Variants in HABP2 observed in about 807,000 individuals in gnomAD.
The protein encoded by HABP2 is hyaluronan binding protein 2, also known as factor VII-activating protease.
In HABP2, 65 loss-of-function variants were observed where a neutral mutation model predicts 66.5. The ratio of observed to expected loss-of-function variants is 0.98; its 90% CI spans 0.80 to 1.20. The LOEUF is 1.20. HABP2 is among the 50% of genes most tolerant of loss of function. The pLI is 0.00. For missense variants in HABP2, 786 were observed against 691.0 expected (o/e 1.14, Z -1.54); for synonymous variants, 263 against 253.9 (o/e 1.04, Z -0.34).
Position 113,575,889 on chromosome 10 carries a change from T to A in HABP2, c.224-8T>A. The A allele has an allele frequency of 2.0e-6, 3 of 1,536,480 alleles. No homozygotes were observed. ...TTACCAACATTGCCTTCTTCCTGTG[T>A]GTCTTAGATCCATGCCAGCCCAACC... On this transcript the variant is annotated splice_region_variant and splice_polypyrimidine_tract_variant and intron_variant, in intron 3 of 12. Transcript: ENST00000351270.
At chr10:113,572,838 T>G in intron 2 of HABP2, 1 of 255,268 alleles carries the variant, frequency 3.9e-6, no homozygotes. Context: ...GAGGTGAAAC[T>G]TTGGCAAGAA....
At chr10:113,558,450 T>C (rs1845040689) in intron 1 of HABP2, among the ~76,000 whole-genome samples, 1 of 152,226 alleles carries the variant, frequency 6.6e-6, no homozygotes, top group African/African-American at 2.4e-5. Flanking sequence ...GAAGCGGCTT[T>C]ATCCTCCTTA....
In HABP2 at chr10:113,576,795, G is replaced by A. The variant is rs568208102; in HGVS notation, c.332-355G>A. Among the ~76,000 whole-genome samples, 4 of 152,168 alleles carry A rather than the reference G, an allele frequency of 2.6e-5. No individual in the cohort carries two copies. In the South Asian group the frequency reaches 8.3e-4, roughly 32 times the overall value. ...ATATCGAGTATAAACACAGTGTCTG[G>A]GCTCACTCCTCAACTTCTCAGAAAA... On this transcript the variant is annotated intron_variant, in intron 4 of 12. Coordinates refer to ENST00000351270, the MANE Select transcript of HABP2 (RefSeq NM_004132.5).
chr10:113,582,652 T>C (rs1845562384), intron 9 of HABP2, among the ~76,000 whole-genome samples: 1 of 152,240 alleles, frequency 6.6e-6, no homozygotes, highest in South Asian at 2.1e-4. Flanking sequence ...TGCTCCTTTG[T>C]CTGATACCAT....
Position 113,582,016 on chromosome 10 carries a change from T to C in HABP2, c.979T>C (p.Trp327Arg), listed in dbSNP as rs780729386. 69 of 1,614,074 alleles carry C rather than the reference T, an allele frequency of 4.3e-5. No individual in the cohort carries two copies. The highest frequency in any genetic ancestry group is 5.6e-5 in the Non-Finnish European group (66 of 1,180,026). Residue 327 changes from tryptophan to arginine, a missense_variant, in exon 9 of 13, where the codon TGG becomes CGG. By Grantham distance (101) the Trp-to-Arg change is moderately radical. Transcript: ENST00000351270. ...GFKSTAGKHPWQASLQSSLPL... is the reference protein window; with the variant it reads ...GFKSTAGKHPRQASLQSSLPL... ...TAAGAGCACGGCGGGCAAGCACCCA[T>C]GGCAGGCGTCCCTCCAGTCCTCGCT...
chr10:113,560,919 G>A (rs776540931), intron 1 of HABP2, among the ~76,000 whole-genome samples: 5 of 152,190 alleles, frequency 3.3e-5, no homozygotes, highest in African/African-American at 7.2e-5. Flanking sequence ...TGGGGATGAC[G>A]AAAAAGTTTG....
Position 113,588,545 on chromosome 10 carries a change from A to G in HABP2, c.*176A>G, listed in dbSNP as rs1845718073. The G allele has an allele frequency of 3.4e-5, 19 of 554,756 alleles. No individual in the cohort carries two copies. In the South Asian group the frequency reaches 4.6e-4, roughly 13 times the overall value. The allele number at this position is 554,756 out of a possible 1,614,324, so 34.4% of individuals were successfully genotyped here. A position where few individuals can be genotyped will look rare whatever the true frequency, so the allele number is the denominator to read the frequency against. ...GCCTTCCCAGACCAGCATTTGCACA[A>G]TATCACCAGGCTTCTTCTGCCTCCC... On this transcript the variant is annotated 3_prime_UTR_variant, in exon 13 of 13. Coordinates refer to ENST00000351270, the MANE Select transcript of HABP2 (RefSeq NM_004132.5).
In HABP2 at chr10:113,578,638, T is replaced by G. The variant is rs774459136; in HGVS notation, c.580T>G (p.Cys194Gly). 2 of 1,612,728 alleles carry G rather than the reference T, an allele frequency of 1.2e-6. No homozygotes were observed. The highest frequency in any genetic ancestry group is 1.7e-6 in the Non-Finnish European group (2 of 1,179,010). ...GKFCEIGSDD[C>G]YVGDGYSYRG... ...CTGCTCTCTCGGAGGTTCTGATGAC[T>G]GCTATGTTGGCGATGGCTACTCTTA... Residue 194 changes from cysteine to glycine, a missense_variant, in exon 7 of 13, where the codon TGC (cysteine) becomes GGC (glycine). Transcript: ENST00000351270.
upstream of HABP2, among the ~76,000 whole-genome samples, chr10:113,552,841 C>T (rs1024275299): frequency 4.6e-5 from 7 of 152,120 alleles, no homozygotes; most frequent in African/African-American, 1.4e-4. Flanking sequence ...TCATGTGCAC[C>T]GTGGAGCCAG....
intron 2 of HABP2, chr10:113,572,709 C>T (rs1283692681): frequency 2.2e-6 from 1 of 454,810 alleles, no homozygotes; most frequent in East Asian, 7.0e-5. Flanking sequence ...TTATCTTCAA[C>T]CTGGATCCTC....
intron 1 of HABP2, among the ~76,000 whole-genome samples, chr10:113,560,572 A>G (rs543121925): frequency 6.6e-6 from 1 of 152,382 alleles, no homozygotes; most frequent in South Asian, 2.1e-4. Flanking sequence ...CTGTACACCA[A>G]TGTTCATAGC....
chr10:113,565,199 T>C (rs1167579910), intron 1 of HABP2, among the ~76,000 whole-genome samples: 1 of 152,248 alleles, frequency 6.6e-6, no homozygotes, highest in East Asian at 1.9e-4. Context: ...CATTGTTTAC[T>C]CTCAAGAAAG....
rs1535426 is a variant in HABP2 at position 113,575,664 on chromosome 10, G to T, written c.224-233G>T. Among the ~76,000 whole-genome samples, 55,437 of 151,940 alleles carry T rather than the reference G, an allele frequency of 0.36. 11,200 individuals carry two copies. Among genetic ancestry groups the T allele is most frequent in the South Asian group, 0.48 (2,301 of 4,800 alleles). On this transcript the variant is annotated intron_variant, in intron 3 of 12. Transcript: ENST00000351270. ...AAAGCCAGGCCGAGGGGAGACAGTC[G>T]TGGTTCCTTCTCGCCTCTCCTCTCA...
intron 11 of HABP2, 57 bp from the exon 12 acceptor site, chr10:113,585,736 G>T: frequency 7.2e-7 from 1 of 1,395,580 alleles, no homozygotes; most frequent in East Asian, 2.3e-5. Flanking sequence ...TTCTGGTGGG[G>T]TTGGTGCCAC....
At position 113,569,401 on chromosome 10, in the gene HABP2, T is replaced by C. The variant is rs1021337042; in HGVS notation, c.106+1876T>C. Among the ~76,000 whole-genome samples, 59 of 152,240 alleles carry C rather than the reference T, an allele frequency of 3.9e-4. 1 individual carries two copies. On this transcript the variant is annotated intron_variant, in intron 2 of 12. Transcript: ENST00000351270. Reference sequence around the variant, plus strand: ...AAAACATCCCTGTTCAGTGTCCGACTTAACCTCTCACAGGGGTTGTGCTTT... The same window carrying C: ...AAAACATCCCTGTTCAGTGTCCGACCTAACCTCTCACAGGGGTTGTGCTTT...
Position 113,583,113 on chromosome 10 carries a change from G to A in HABP2, c.1095-103G>A. The stretch of plus-strand genomic sequence containing the variant: ...AGCAGAGTTCTGTGAGTGAGACGAG[G>A]GTTACAAATGAGGAGGCTGAGTCTG... On this transcript the variant is annotated intron_variant, in intron 9 of 12. Coordinates refer to ENST00000351270, the MANE Select transcript of HABP2 (RefSeq NM_004132.5). 3.3e-6 allele frequency: 3 copies of A among 917,292 alleles called. No individual in the cohort carries two copies. The South Asian group carries it at 4.7e-5, about 14-fold the overall frequency. 56.8% of individuals were successfully genotyped at this position (917,292 alleles called of 1,614,324 possible).
Position 113,562,750 on chromosome 10 carries a change from A to G in HABP2, c.70-4739A>G, listed in dbSNP as rs557657819. ...GTAAGCCACTGCGCCCGGCCCACAG[A>G]TAAGCCTTTTTATAAAGCATTCCAA... On this transcript the variant is annotated intron_variant, in intron 1 of 12. Transcript: ENST00000351270. Among the ~76,000 whole-genome samples the G allele has an allele frequency of 4.4e-3, 666 of 152,324 alleles. 2 individuals carry two copies. Among genetic ancestry groups the G allele is most frequent in the Non-Finnish European group, 6.0e-3 (405 of 68,022 alleles).
intron 1 of HABP2, among the ~76,000 whole-genome samples, chr10:113,563,446 C>A (rs1300586248): frequency 6.6e-6 from 1 of 152,180 alleles, no homozygotes; most frequent in Non-Finnish European, 1.5e-5. Flanking sequence ...CACATTGCAC[C>A]ACGGCCCCTC....
chr10:113,578,894 T>C, intron 7 of HABP2, 96 bp downstream of exon 7: 1 of 855,712 alleles, frequency 1.2e-6, no homozygotes, highest in Non-Finnish European at 1.9e-6. Context: ...AAGATTTTCT[T>C]ACTCAGCAAG....
Sources: allele counts gnomAD v4.1 joint callset (sites outside exome capture counted in the v4.1 genomes callset), GRCh38; gene constraint gnomAD v4.1.1; transcripts MANE v1.5; gene names NCBI Gene and HGNC (gene_info 2026-07-23, HGNC 2026-07-21).